The following BCAR3 variants were observed in gnomAD, a reference collection of about 807,000 sequenced individuals.
The protein encoded by BCAR3 is breast cancer anti-estrogen resistance protein 3.
A neutral mutation model predicts 80.1 loss-of-function variants in BCAR3; 37 were observed. The observed-to-expected ratio is 0.46, with a 90% CI of 0.36 to 0.61. The LOEUF (loss-of-function observed/expected upper bound fraction) is 0.61. BCAR3 is among the 20% of genes least tolerant of loss of function. BCAR3 has a pLI of 0.00. For synonymous variants in BCAR3, 389 were observed against 418.9 expected (o/e 0.93, Z 0.87); for missense variants, 978 against 1,068.2 (o/e 0.92, Z 1.18).
chr1:93,581,783 C>G (rs906743162), intron 7 of BCAR3, among the ~76,000 whole-genome samples: 1 of 152,194 alleles, frequency 6.6e-6, no homozygotes, highest in Non-Finnish European at 1.5e-5. Flanking sequence ...TACTAAAGAT[C>G]ATTTTAGTAA....
intron 2 of BCAR3, among the ~76,000 whole-genome samples, chr1:93,786,110 G>C (rs896339503): frequency 3.6e-5 from 5 of 137,650 alleles, no homozygotes; most frequent in Non-Finnish European, 6.1e-5. Flanking sequence ...GGAGAATGGC[G>C]TGAACCCGGG....
chr1:93,749,664 T>G (rs961672088), intron 2 of BCAR3, among the ~76,000 whole-genome samples: 5 of 151,986 alleles, frequency 3.3e-5, no homozygotes, highest in African/African-American at 9.7e-5. Context: ...GGAAGTAAAT[T>G]TGCACAGGCG....
At chr1:93,576,690 C>T (rs1041383814) in intron 7 of BCAR3, among the ~76,000 whole-genome samples, 1 of 152,216 alleles carries the variant, frequency 6.6e-6, no homozygotes, top group African/African-American at 2.4e-5. Flanking sequence ...GATTGGAAAC[C>T]TGAGCTCTCA....
At chr1:93,647,261 C>T (rs1000304184) in intron 2 of BCAR3, among the ~76,000 whole-genome samples, 1 of 152,118 alleles carries the variant, frequency 6.6e-6, no homozygotes, top group African/African-American at 2.4e-5. Context: ...AACATGAATG[C>T]CCCTCCCACA....
intron 2 of BCAR3, among the ~76,000 whole-genome samples, chr1:93,771,172 G>A (rs1047507435): frequency 2.0e-5 from 3 of 152,090 alleles, no homozygotes; most frequent in African/African-American, 7.2e-5. Flanking sequence ...TTTTATTGAT[G>A]GAGAAATGGA....
chr1:93,816,598 G>A (rs1654022871), intron 2 of BCAR3, among the ~76,000 whole-genome samples: 1 of 146,908 alleles, frequency 6.8e-6, no homozygotes, highest in Admixed American at 6.9e-5. Flanking sequence ...TTGAACCCAG[G>A]AGGCGGAGGT....
chr1:93,768,331 A>G (rs1652230398), intron 2 of BCAR3, among the ~76,000 whole-genome samples: 1 of 152,120 alleles, frequency 6.6e-6, no homozygotes, highest in South Asian at 2.1e-4. Context: ...ATACGAAGCA[A>G]TCAACAGTAG....
At chr1:93,768,807 C>T (rs537685093) in intron 2 of BCAR3, among the ~76,000 whole-genome samples, 232 of 152,214 alleles carry the variant, frequency 1.5e-3, no homozygotes, top group African/African-American at 5.2e-3. Context: ...ACAAACAGGG[C>T]GCTGCCTGGG....
chr1:93,604,209 T>C (rs971144708), intron 3 of BCAR3, among the ~76,000 whole-genome samples: 12 of 152,220 alleles, frequency 7.9e-5, no homozygotes, highest in African/African-American at 2.7e-4. Context: ...CTACTGTATA[T>C]GATTTTCCTT....
intron 2 of BCAR3, among the ~76,000 whole-genome samples, chr1:93,724,087 T>C (rs907403156): frequency 4.0e-4 from 61 of 152,096 alleles, no homozygotes; most frequent in African/African-American, 1.4e-3. Context: ...AACAAAGTGA[T>C]TAAGTAGGGC....
intron 2 of BCAR3, among the ~76,000 whole-genome samples, chr1:93,659,008 A>G (rs1647525640): frequency 6.6e-6 from 1 of 152,172 alleles, no homozygotes; most frequent in African/African-American, 2.4e-5. Context: ...CACAACTGGG[A>G]GACAGTGTGC....
At chr1:93,723,524 T>A (rs1650478572) in intron 2 of BCAR3, 1 of 152,368 alleles carries the variant, frequency 6.6e-6, no homozygotes, top group Non-Finnish European at 1.5e-5. Flanking sequence ...TTCCACCAGC[T>A]CCCTGGGAGA....
chr1:93,636,436 C>G (rs759874144), intron 3 of BCAR3, among the ~76,000 whole-genome samples: 1 of 152,132 alleles, frequency 6.6e-6, no homozygotes, highest in Non-Finnish European at 1.5e-5. Context: ...GGTTGCATTC[C>G]GTCCTGACAC....
chr1:93,640,286 C>A (rs920954195), intron 3 of BCAR3, among the ~76,000 whole-genome samples: 1 of 152,122 alleles, frequency 6.6e-6, no homozygotes, highest in African/African-American at 2.4e-5. Flanking sequence ...TCCCCTTGGA[C>A]CTTTACGTCA....
At chr1:93,682,247 G>C (rs1648817822), upstream of BCAR3, among the ~76,000 whole-genome samples, 1 of 152,210 alleles carries the variant, frequency 6.6e-6, no homozygotes, top group African/African-American at 2.4e-5. Context: ...CACTCGTATG[G>C]ACGTATTGAA....
At chr1:93,605,815 C>G (rs1674755867) in intron 3 of BCAR3, among the ~76,000 whole-genome samples, 1 of 152,150 alleles carries the variant, frequency 6.6e-6, no homozygotes, top group South Asian at 2.1e-4. Flanking sequence ...AAGGAGAGTA[C>G]TGAATGAACA....
At chr1:93,590,401 T>C (rs1057300620) in intron 4 of BCAR3, 1 of 152,222 alleles carries the variant, frequency 6.6e-6, no homozygotes, top group Non-Finnish European at 1.5e-5. Context: ...AATGATAATA[T>C]TACCTATAGA....
intron 3 of BCAR3, among the ~76,000 whole-genome samples, chr1:93,633,628 T>C (rs978904934): frequency 6.6e-6 from 1 of 152,122 alleles, no homozygotes; most frequent in Non-Finnish European, 1.5e-5. Context: ...AATACAAGGC[T>C]TTAACTTGCC....
Position 93,657,950 on chromosome 1 carries a change from CT to C in BCAR3, c.318-15608del, listed in dbSNP as rs748626236. On this transcript the variant is annotated intron_variant, in intron 2 of 11. Transcript: ENST00000260502. ...GACAGCATGTCGCTTGTTACTGCTT[CT>C]TTTTTTTTTTTTTTTAGACAGTCTT... Among the ~76,000 whole-genome samples the C allele has an allele frequency of 6.3e-3, 879 of 138,428 alleles. 1 individual carries two copies. Among genetic ancestry groups the C allele is most frequent in the African/African-American group, 0.012 (442 of 38,020 alleles). 90.8% of individuals were successfully genotyped at this position (138,428 alleles called of 152,430 possible). A position where few individuals can be genotyped will look rare whatever the true frequency, so the allele number is the denominator to read the frequency against.
Sources: gnomAD v4.1 joint callset for allele counts (sites outside exome capture counted in the v4.1 genomes callset) on GRCh38, gnomAD v4.1.1 for gene constraint, MANE v1.5 for transcripts, NCBI Gene and HGNC (gene_info 2026-07-23, HGNC 2026-07-21) for gene names.